SLC6A17: variants seen among roughly 807,000 people sequenced by gnomAD.
The protein encoded by SLC6A17 is sodium-dependent neutral amino acid transporter SLC6A17.
In SLC6A17, 21 loss-of-function variants were observed where a neutral mutation model predicts 64.5. The ratio of observed to expected loss-of-function variants is 0.33; its 90% CI spans 0.23 to 0.47. The LOEUF is 0.47. Among genes scored for constraint, SLC6A17 ranks in the 20% least tolerant of loss-of-function variants. The pLI is 1.00. For synonymous variants in SLC6A17, 372 were observed against 399.5 expected (o/e 0.93, Z 0.82); for missense variants, 682 against 963.2 (o/e 0.71, Z 3.86).
intron 1 of SLC6A17, among the ~76,000 whole-genome samples, chr1:110,152,779 C>T (rs569724748): frequency 6.6e-6 from 1 of 152,194 alleles, no homozygotes; most frequent in Non-Finnish European, 1.5e-5. Flanking sequence ...GATATTATTT[C>T]TGCAGGCTTA....
At chr1:110,181,946 C>G (rs1656537088) in intron 6 of SLC6A17, among the ~76,000 whole-genome samples, 1 of 152,190 alleles carries the variant, frequency 6.6e-6, no homozygotes, top group African/African-American at 2.4e-5. Flanking sequence ...TTGACATTTA[C>G]TCTGGTGAAA....
intron 9 of SLC6A17, chr1:110,194,993 T>C (rs532396884): frequency 1.6e-6 from 1 of 611,710 alleles, no homozygotes; most frequent in South Asian, 1.9e-5. Context: ...CCGGGAGGCC[T>C]GCATCTAGGC....
Position 110,199,178 on chromosome 1 carries a change from A to G in SLC6A17, c.*734A>G, listed in dbSNP as rs1424549256. On this transcript the variant is annotated 3_prime_UTR_variant, in exon 12 of 12. Transcript: ENST00000331565. ...TGGGGTGTGTGGTGTGTGCTCCTGC[A>G]TCTTGTCTGGGAGTGCAGTGACCGG... The G allele has an allele frequency of 6.6e-6, 1 of 152,564 alleles. No homozygotes were observed. Among genetic ancestry groups the G allele is most frequent in the Non-Finnish European group, 1.5e-5 (1 of 68,374 alleles). The allele number at this position is 152,564 out of a possible 1,614,324, so 9.5% of individuals were successfully genotyped here. A position where few individuals can be genotyped will look rare whatever the true frequency, so the allele number is the denominator to read the frequency against.
chr1:110,171,123 G>C (rs1294799715), intron 2 of SLC6A17, among the ~76,000 whole-genome samples: 1 of 152,204 alleles, frequency 6.6e-6, no homozygotes, highest in African/African-American at 2.4e-5. Context: ...TGTTATGGGG[G>C]CAGAGCAGTG....
At chr1:110,153,860 A>G (rs1655678680) in intron 1 of SLC6A17, among the ~76,000 whole-genome samples, 1 of 151,996 alleles carries the variant, frequency 6.6e-6, no homozygotes, top group East Asian at 1.9e-4. Flanking sequence ...AAGTCCTCAC[A>G]GCCAAACATC....
rs149909071 is a variant in SLC6A17, at chr1:110,193,033, C to T, written c.1299+335C>T. Among the ~76,000 whole-genome samples, 73 of 152,318 alleles carry T rather than the reference C, an allele frequency of 4.8e-4. No individual in the cohort carries two copies. In the Middle Eastern group the frequency reaches 0.01, roughly 21 times the overall value. On this transcript the variant is annotated intron_variant, in intron 8 of 11. Transcript: ENST00000331565. ...TAATATACTCAGAACAGTGCCTTGA[C>T]ATGGTGTGCATCAAAGAAGTGTTGA...
chr1:110,192,720 C>T lies in SLC6A17; in HGVS notation c.1299+22C>T. On this transcript the variant is annotated intron_variant, in intron 8 of 11. Transcript: ENST00000331565. The surrounding 1 kb of genome is among the most constrained non-coding windows in gnomAD (Gnocchi z 4.3). ...CAAGGTGCGGGGACAGGCTGCCCTT[C>T]CCAGGACAGGCAGGAACCCAGAGAG... 3 of 1,601,820 alleles carry T rather than the reference C, an allele frequency of 1.9e-6. No homozygotes were observed. Among genetic ancestry groups the T allele is most frequent in the Non-Finnish European group, 2.6e-6 (3 of 1,172,454 alleles).
intron 6 of SLC6A17, among the ~76,000 whole-genome samples, chr1:110,190,657 C>A (rs1004459087): frequency 6.6e-6 from 1 of 152,200 alleles, no homozygotes; most frequent in Non-Finnish European, 1.5e-5. Flanking sequence ...GGCAGCCGGG[C>A]CAGGACCCAC....
intron 1 of SLC6A17, chr1:110,166,239 C>T (rs569964387): frequency 1.1e-4 from 16 of 152,092 alleles, no homozygotes; most frequent in Admixed American, 8.5e-4. Context: ...ATGGAGATGC[C>T]ATCGGCACTG....
chr1:110,195,611 C>T lies in SLC6A17; in HGVS notation c.1518C>T (p.Leu506=), dbSNP rs773541963. The T allele has an allele frequency of 3.3e-5, 54 of 1,614,070 alleles. No homozygotes were observed. Among genetic ancestry groups the T allele is most frequent in the Non-Finnish European group, 4.2e-5 (49 of 1,180,046 alleles). Reference sequence around the variant, plus strand: ...TGGGCTGCTGTGTCTTTGCATTCCTCGTGGGGCTGTTGTTCGTCCAGCGCT... The same window carrying T: ...TGGGCTGCTGTGTCTTTGCATTCCTTGTGGGGCTGTTGTTCGTCCAGCGCT... ...FTVGCCVFAF[L]VGLLFVQRSG... is the part of the protein sequence containing the mutation. Residue 506 remains leucine, a synonymous_variant, in exon 10 of 12, where the codon CTC becomes CTT. Transcript: ENST00000331565.
intron 1 of SLC6A17, among the ~76,000 whole-genome samples, chr1:110,152,640 G>A (rs1467803678): frequency 6.6e-6 from 1 of 152,138 alleles, no homozygotes; most frequent in African/African-American, 2.4e-5. Flanking sequence ...GGGAGGGTAA[G>A]GAAAGGCTCT....
At position 110,172,078 on chromosome 1, in the gene SLC6A17, A is replaced by C. The variant is rs1451950736; in HGVS notation, c.305A>C (p.Tyr102Ser). 1 of 1,613,860 alleles carries C rather than the reference A, an allele frequency of 6.2e-7. No homozygotes were observed. The change falls in exon 3 of 12, where the codon TAC becomes TCC. Residue 102 changes from tyrosine to serine, a missense_variant. By Grantham distance (144) the Tyr-to-Ser change is moderately radical (BLOSUM62 -2). Coordinates refer to ENST00000331565, the MANE Select transcript of SLC6A17 (RefSeq NM_001010898.4). ...KNGGGAYLVP[Y>S]LVLLIIIGIP... ...CCCACAGGTGCTTACCTGGTGCCCT[A>C]CCTGGTGCTGCTGATCATCATCGGG...
chr1:110,195,856 G>C, intron 10 of SLC6A17, 111 bp downstream of exon 10: 2 of 1,451,168 alleles, frequency 1.4e-6, no homozygotes, highest in Non-Finnish European at 1.9e-6. Flanking sequence ...GTGCCCTTAC[G>C]GATCATTTAG....
chr1:110,192,537 A>G lies in SLC6A17; in HGVS notation c.1138A>G (p.Thr380Ala), dbSNP rs923301288. 1.9e-6 allele frequency: 3 copies of G among 1,613,696 alleles called. No individual in the cohort carries two copies. The highest frequency in any genetic ancestry group is 2.5e-6 in the Non-Finnish European group (3 of 1,179,916). Residue 380 changes from threonine to alanine, a missense_variant, in exon 8 of 12, where the codon ACC (threonine) becomes GCC (alanine). Physicochemically the swap from Thr to Ala is moderately conservative, Grantham distance 58. This residue lies in a region of SLC6A17 where 415 missense variants were observed against 603.8 expected (regional missense o/e 0.69). Coordinates refer to ENST00000331565, the MANE Select transcript of SLC6A17 (RefSeq NM_001010898.4). This position sits in a 1 kb window ranked among gnomAD's most constrained non-coding sequence, Gnocchi z 4.3. ...TGAGAAAATCCTAGGGTACCTTAACACCAACGTCCTGAGCCGGGACCTCAT... is the reference window on the plus strand; with the variant it reads ...TGAGAAAATCCTAGGGTACCTTAACGCCAACGTCCTGAGCCGGGACCTCAT... Reference protein sequence around the residue: ...NAEKILGYLNTNVLSRDLIPP... With the variant: ...NAEKILGYLNANVLSRDLIPP...
intron 11 of SLC6A17, 58 bp from the exon 12 acceptor site, chr1:110,198,018 C>T: frequency 2.6e-6 from 4 of 1,553,824 alleles, no homozygotes; most frequent in Non-Finnish European, 3.5e-6. Flanking sequence ...CTTGGAGGGC[C>T]TGGGCGGGGA....
intron 8 of SLC6A17, among the ~76,000 whole-genome samples, chr1:110,193,346 G>C (rs1557841274): frequency 6.6e-6 from 1 of 152,150 alleles, no homozygotes; most frequent in East Asian, 1.9e-4. Flanking sequence ...GGTGGTGCTG[G>C]GGGTGCTGAC....
chr1:110,166,035 C>T (rs1330267129), intron 1 of SLC6A17, among the ~76,000 whole-genome samples: 1 of 152,230 alleles, frequency 6.6e-6, no homozygotes, highest in East Asian at 1.9e-4. Flanking sequence ...TTGCCTCCTC[C>T]GCCCATGTCG....
chr1:110,175,024 G>T, intron 5 of SLC6A17, 64 bp downstream of exon 5: 1 of 1,547,970 alleles, frequency 6.5e-7, no homozygotes, highest in Non-Finnish European at 8.7e-7. Context: ...AGAGGGCACA[G>T]GGCTAAGAAT....
chr1:110,160,932 G>T (rs1269022784), intron 1 of SLC6A17, among the ~76,000 whole-genome samples: 1 of 152,208 alleles, frequency 6.6e-6, no homozygotes. Context: ...GCCTGCTGTA[G>T]GCATCTAGCC....
Sources: allele counts gnomAD v4.1 joint callset (sites outside exome capture counted in the v4.1 genomes callset), GRCh38; gene constraint gnomAD v4.1.1; regional missense constraint gnomAD v4.1.1; non-coding constraint Gnocchi (gnomAD v3.1); transcripts MANE v1.5; gene names NCBI Gene and HGNC (gene_info 2026-07-23, HGNC 2026-07-21).